The following NOM1 variants were observed in gnomAD, a reference collection of about 807,000 sequenced individuals.
The protein encoded by NOM1 is nucleolar MIF4G domain-containing protein 1.
In NOM1, 58 loss-of-function variants were observed where a neutral mutation model predicts 73.3. The ratio of observed to expected loss-of-function variants is 0.79; its 90% CI spans 0.64 to 0.99. The LOEUF is 0.99. Ranked by LOEUF, NOM1 falls within the 50% of genes least tolerant of loss-of-function variation. The probability of loss-of-function intolerance (pLI) is 0.00; values close to 1 mark genes in which losing one functional copy is unlikely to be tolerated. For synonymous variants in NOM1, 487 were observed against 446.8 expected, an observed-to-expected ratio of 1.09 and a Z score of -1.14; for missense variants, 1,226 against 1,131.9, an observed-to-expected ratio of 1.08 and a Z score of -1.19.
rs776057978 is a variant in NOM1 at position 156,954,172 on chromosome 7, G to A, written c.1182G>A (p.Lys394=). Residue 394 remains lysine, a synonymous_variant, in exon 3 of 11, where the codon AAG becomes AAA. Coordinates refer to ENST00000275820, the MANE Select transcript of NOM1 (RefSeq NM_138400.2). ...AACTGTACATGGCCCACAGCAGAAA[G>A]GACATGAATGACACCCTGACCTCCG... ...LEELYMAHSR[K]DMNDTLTSAL... 6.2e-7 allele frequency: 1 copy of A among 1,613,778 alleles called. No homozygotes were observed. The highest frequency in any genetic ancestry group is 8.5e-7 in the Non-Finnish European group (1 of 1,179,894).
chr7:156,967,032 T>C lies in NOM1; in HGVS notation c.2238T>C (p.Asn746=). ...LENLPATNFS[N]LVHLVAHLLK... The stretch of plus-strand genomic sequence containing the variant: ...ACTTGCCAGCTACGAATTTCTCTAA[T>C]TTGGTTCATCTGGTGGCCCACTTGT... Residue 746 remains asparagine, a synonymous_variant, in exon 9 of 11, where the codon AAT becomes AAC. Coordinates refer to ENST00000275820, the MANE Select transcript of NOM1 (RefSeq NM_138400.2). 6.2e-7 allele frequency: 1 copy of C among 1,614,034 alleles called. No individual in the cohort carries two copies. Among genetic ancestry groups the C allele is most frequent in the Non-Finnish European group, 8.5e-7 (1 of 1,180,000 alleles).
intron 8 of NOM1, 131 bp from the exon 9 acceptor site, chr7:156,966,830 C>CA: frequency 1.0e-6 from 1 of 972,514 alleles, no homozygotes; most frequent in Admixed American, 2.9e-5. Context: ...GTGAGGCCAC[C>CA]ACTAAAAGTC....
At chr7:156,967,713 C>T (rs191656387) in intron 9 of NOM1, among the ~76,000 whole-genome samples, 39 of 152,166 alleles carry the variant, frequency 2.6e-4, no homozygotes, top group African/African-American at 8.9e-4. Context: ...TTAATAGAGA[C>T]GGGATTTCAC....
intron 9 of NOM1, chr7:156,968,687 T>TA (rs1805064813): frequency 7.5e-6 from 1 of 132,516 alleles, no homozygotes; most frequent in Non-Finnish European, 1.6e-5. Flanking sequence ...GAAGTAAATT[T>TA]TATATATATA....
At position 156,950,379 on chromosome 7, in the gene NOM1, C is replaced by G. The variant is rs114264548; in HGVS notation, c.642C>G (p.Asp214Glu). Residue 214 changes from aspartate (D) to glutamate (E), a missense_variant, in exon 1 of 11, where the codon GAC becomes GAG. Asp to Glu is a conservative substitution (Grantham distance 45). Coordinates refer to ENST00000275820, the MANE Select transcript of NOM1 (RefSeq NM_138400.2). ...SSSVPLSFAR[D>E]GLDYILGALE... Reference sequence around the variant, plus strand: ...CCGTGCCGCTGAGCTTTGCACGCGACGGTCTTGACTATATTCTGGGAGCCC... The same window carrying G: ...CCGTGCCGCTGAGCTTTGCACGCGAGGGTCTTGACTATATTCTGGGAGCCC... The G allele has an allele frequency of 1.9e-5, 30 of 1,614,218 alleles. No homozygotes were observed. The highest frequency in any genetic ancestry group is 2.5e-5 in the Non-Finnish European group (29 of 1,180,042).
In NOM1 at chr7:156,950,093, C is replaced by T. The variant is rs1308033646; in HGVS notation, c.356C>T (p.Ala119Val). Residue 119 changes from alanine (A) to valine (V), a missense_variant, in exon 1 of 11, where the codon GCC becomes GTC. By Grantham distance (64) the Ala-to-Val change is moderately conservative. Coordinates refer to ENST00000275820, the MANE Select transcript of NOM1 (RefSeq NM_138400.2). ...GGAGGCCGAAGCGGAGCCGAAGAAG[C>T]CAGCGGTCACCGGCAGGACACGGAG... ...GLGGRSGAEE[A>V]SGHRQDTEER... 24 of 1,547,138 alleles carry T rather than the reference C, an allele frequency of 1.6e-5. No homozygotes were observed. Among genetic ancestry groups the T allele is most frequent in the Non-Finnish European group, 2.1e-5 (24 of 1,148,418 alleles).
At chr7:156,955,225 T>C (rs12670963) in intron 3 of NOM1, among the ~76,000 whole-genome samples, 118,372 of 152,110 alleles carry the variant, frequency 0.78, 46,142 homozygotes, top group Admixed American at 0.85. Context: ...GGTGATGGCC[T>C]TGGTTCCACA....
Position 156,950,684 on chromosome 7 carries a change from A to G in NOM1, c.947A>G (p.Lys316Arg), listed in dbSNP as rs1228535188. Reference protein sequence around the residue: ...KRVRFAEDEEKSENSSEDGDI... With the variant: ...KRVRFAEDEERSENSSEDGDI... ...GTCCGTTTTGCAGAAGATGAAGAAA[A>G]GAGTGAAAATTCCTCGGAGGACGGT... Residue 316 changes from lysine (K) to arginine (R), a missense_variant, in exon 1 of 11, where the codon AAG (lysine) becomes AGG (arginine). Lys to Arg is a conservative substitution (Grantham distance 26, BLOSUM62 2). Coordinates refer to ENST00000275820, the MANE Select transcript of NOM1 (RefSeq NM_138400.2). The G allele has an allele frequency of 6.4e-7, 1 of 1,551,906 alleles. No homozygotes were observed. The highest frequency in any genetic ancestry group is 2.0e-5 in the Admixed American group (1 of 51,008).
rs1804536546 is a variant in NOM1, at chr7:156,950,022, A to G, written c.285A>G (p.Ala95=). 6.5e-7 allele frequency: 1 copy of G among 1,541,758 alleles called. No individual in the cohort carries two copies. Among genetic ancestry groups the G allele is most frequent in the Non-Finnish European group, 8.7e-7 (1 of 1,146,848 alleles). Residue 95 remains alanine (A), a synonymous_variant, in exon 1 of 11, where the codon GCA becomes GCG. Transcript: ENST00000275820. Reference sequence around the variant, plus strand: ...AGGAGAAGCGGCACCTGCGGAAAGCACGCCGGCTGCAGAGGACGGCGGGCC... The same window carrying G: ...AGGAGAAGCGGCACCTGCGGAAAGCGCGCCGGCTGCAGAGGACGGCGGGCC... ...LRKEKRHLRK[A]RRLQRTAGPE... is the part of the protein sequence containing the mutation.
chr7:156,950,782 G>A (rs897813452), intron 1 of NOM1, 58 bp downstream of exon 1: 2 of 1,451,038 alleles, frequency 1.4e-6, no homozygotes, highest in Non-Finnish European at 1.9e-6. Context: ...ACGGGACAGG[G>A]AATGGGGCGT....
Position 156,950,091 on chromosome 7 carries a change from A to C in NOM1, c.354A>C (p.Glu118Asp). The change falls in exon 1 of 11, where the codon GAA (glutamate) becomes GAC (aspartate). Residue 118 changes from glutamate (E) to aspartate (D), a missense_variant. Coordinates refer to ENST00000275820, the MANE Select transcript of NOM1 (RefSeq NM_138400.2). ...TGGGAGGCCGAAGCGGAGCCGAAGAAGCCAGCGGTCACCGGCAGGACACGG... is the reference window on the plus strand; with the variant it reads ...TGGGAGGCCGAAGCGGAGCCGAAGACGCCAGCGGTCACCGGCAGGACACGG... ...PGLGGRSGAE[E>D]ASGHRQDTEE... 6.5e-7 allele frequency: 1 copy of C among 1,547,046 alleles called. No individual in the cohort carries two copies. The highest frequency in any genetic ancestry group is 8.7e-7 in the Non-Finnish European group (1 of 1,148,316).
intron 6 of NOM1, chr7:156,963,441 C>T (rs1374054658): frequency 3.9e-5 from 20 of 519,058 alleles, no homozygotes; most frequent in South Asian, 1.0e-4. Context: ...TGAACGCTCA[C>T]GGGGCAGGAG....
At chr7:156,954,033 T>C (rs58846177) in intron 2 of NOM1, 70 bp from the exon 3 acceptor site, 231,588 of 1,385,514 alleles carry the variant, frequency 0.17, 21,156 homozygotes, top group East Asian at 0.35. Flanking sequence ...AACTCTTTAA[T>C]TTTTTAAAAT....
intron 3 of NOM1, among the ~76,000 whole-genome samples, chr7:156,954,761 C>T (rs187667603): frequency 6.6e-6 from 1 of 152,170 alleles, no homozygotes; most frequent in African/African-American, 2.4e-5. Context: ...CCTGCTTTGG[C>T]GTCCCAATGT....
intron 2 of NOM1, 148 bp downstream of exon 2, chr7:156,952,746 A>G: frequency 1.2e-6 from 1 of 829,626 alleles, no homozygotes; most frequent in East Asian, 2.7e-5. Context: ...GAGACCCATG[A>G]GACCCATACC....
In NOM1 at chr7:156,963,034, G is replaced by A; in HGVS notation, c.1770G>A (p.Glu590=). Residue 590 remains glutamate, a synonymous_variant, in exon 6 of 11, where the codon GAG becomes GAA. Transcript: ENST00000275820. ...ALVRNAGSGS[E]TQLRVSWDSV... ...TCCGCAACGCCGGCTCAGGTTCTGA[G>A]ACGCAGCTTCGCGTCTCCTGGGACA... 6.2e-7 allele frequency: 1 copy of A among 1,613,408 alleles called. No homozygotes were observed. The highest frequency in any genetic ancestry group is 8.5e-7 in the Non-Finnish European group (1 of 1,179,340).
At chr7:156,959,766 T>A in intron 3 of NOM1, 85 bp from the exon 4 acceptor site, 1 of 1,328,148 alleles carries the variant, frequency 7.5e-7, no homozygotes, top group Admixed American at 2.2e-5. Flanking sequence ...ACTTTGTTAA[T>A]TTAGAAAGTG....
intron 10 of NOM1, 94 bp from the exon 11 acceptor site, chr7:156,969,435 A>T: frequency 1.9e-6 from 2 of 1,075,832 alleles, no homozygotes; most frequent in Non-Finnish European, 2.7e-6. Flanking sequence ...TTTTTAAAAG[A>T]AACTGGTTAT....
chr7:156,961,374 C>A (rs1804860129), intron 4 of NOM1, among the ~76,000 whole-genome samples: 1 of 152,050 alleles, frequency 6.6e-6, no homozygotes, highest in African/African-American at 2.4e-5. Flanking sequence ...CCGGAGAAGC[C>A]AGTCTGAAGA....
Sources: gnomAD v4.1 joint callset for allele counts (sites outside exome capture counted in the v4.1 genomes callset) on GRCh38, gnomAD v4.1.1 for gene constraint, MANE v1.5 for transcripts, NCBI Gene and HGNC (gene_info 2026-07-23, HGNC 2026-07-21) for gene names.